The following CCSER1 variants were observed in gnomAD, a reference collection of about 807,000 sequenced individuals.
CCSER1 encodes serine-rich coiled-coil domain-containing protein 1.
In CCSER1, 41 loss-of-function variants were observed where a neutral mutation model predicts 82.0. The ratio of observed to expected loss-of-function variants is 0.50; its 90% CI spans 0.39 to 0.65. CCSER1 has a LOEUF of 0.65. Among genes scored for constraint, CCSER1 ranks in the 30% least tolerant of loss-of-function variants. The pLI, the probability that CCSER1 is intolerant of heterozygous loss-of-function variation, is 0.00. For missense variants in CCSER1, 1,119 were observed against 1,064.2 expected (o/e 1.05, Z -0.72); for synonymous variants, 414 against 383.9 (o/e 1.08, Z -0.92).
chr4:90,195,338 A>G (rs1054321669), intron 1 of CCSER1, among the ~76,000 whole-genome samples: 5 of 152,070 alleles, frequency 3.3e-5, no homozygotes, highest in Non-Finnish European at 5.9e-5. Context: ...TTACTAAGTG[A>G]AAAAAGCTAA....
intron 1 of CCSER1, among the ~76,000 whole-genome samples, chr4:90,161,509 T>G (rs150457671): frequency 0.029 from 4,421 of 152,230 alleles, 107 homozygotes; most frequent in South Asian, 0.06. Flanking sequence ...TTAAAACTAT[T>G]AACCATTAAC....
At chr4:91,417,960 AC>A (rs1286513607) in intron 10 of CCSER1, among the ~76,000 whole-genome samples, 1 of 152,174 alleles carries the variant, frequency 6.6e-6, no homozygotes, top group Non-Finnish European at 1.5e-5. Context: ...ATCTTTTCTG[AC>A]CACACTGTTA....
intron 10 of CCSER1, among the ~76,000 whole-genome samples, chr4:91,151,711 C>T (rs1730222487): frequency 6.6e-6 from 1 of 152,150 alleles, no homozygotes; most frequent in African/African-American, 2.4e-5. Context: ...GTCTTTGTTT[C>T]TGCCTTAATT....
At chr4:90,287,722 G>GA (rs1304593529) in intron 1 of CCSER1, among the ~76,000 whole-genome samples, 2 of 151,768 alleles carry the variant, frequency 1.3e-5, no homozygotes, top group Admixed American at 1.3e-4. Context: ...TTTGATATTA[G>GA]AAATGAATTT....
chr4:90,734,291 A>C (rs1263023379), intron 7 of CCSER1, among the ~76,000 whole-genome samples: 3 of 151,658 alleles, frequency 2.0e-5, no homozygotes, highest in African/African-American at 4.8e-5. Flanking sequence ...ACGCCCGGCT[A>C]ATTTTTTGTA....
chr4:91,514,401 AT>A (rs1432508475), intron 10 of CCSER1, among the ~76,000 whole-genome samples: 1 of 152,116 alleles, frequency 6.6e-6, no homozygotes, highest in Non-Finnish European at 1.5e-5. Flanking sequence ...AGTATGTTCT[AT>A]GTGCAGATGA....
intron 10 of CCSER1, among the ~76,000 whole-genome samples, chr4:91,257,272 G>T (rs894143062): frequency 1.3e-5 from 2 of 152,008 alleles, no homozygotes; most frequent in Non-Finnish European, 2.9e-5. Context: ...TCCCAAAGTA[G>T]TCCACTAACA....
At chr4:91,357,380 A>G (rs917743787) in intron 10 of CCSER1, among the ~76,000 whole-genome samples, 4 of 152,172 alleles carry the variant, frequency 2.6e-5, no homozygotes, top group African/African-American at 9.7e-5. Context: ...ATTTTTGTTA[A>G]AGAGCAGGTT....
intron 10 of CCSER1, among the ~76,000 whole-genome samples, chr4:91,282,156 C>G (rs1276001234): frequency 2.0e-5 from 3 of 152,040 alleles, no homozygotes; most frequent in Admixed American, 6.6e-5. Flanking sequence ...TCAAATAAAC[C>G]TATGTGTGCA....
At chr4:90,932,952 A>AAGAGAGAAAGAG (rs1491411647) in intron 9 of CCSER1, among the ~76,000 whole-genome samples, 1 of 42,942 alleles carries the variant, frequency 2.3e-5, no homozygotes, top group East Asian at 4.7e-4. Context: ...GAAAGAAAGA[A>AAGAGAGAAAGAG]AGAAAGAAAG....
In CCSER1 at chr4:91,511,127, C is replaced by T. The variant is rs72882788; in HGVS notation, c.2218-87445C>T. ...TAATTTTTTTTTTATTTTGTTGAAG[C>T]GCAGTTGGTATGTGTGGCTTTATTT... On this transcript the variant is annotated intron_variant, in intron 10 of 10. Transcript: ENST00000509176. Among the ~76,000 whole-genome samples, 372 of 151,798 alleles carry T rather than the reference C, an allele frequency of 2.5e-3. 1 individual carries two copies. The highest frequency in any genetic ancestry group is 7.0e-3 in the African/African-American group (290 of 41,418).
chr4:91,059,445 T>C (rs1743768418), intron 9 of CCSER1, among the ~76,000 whole-genome samples: 1 of 110,152 alleles, frequency 9.1e-6, no homozygotes, highest in South Asian at 2.8e-4. Flanking sequence ...ATTTGTATGC[T>C]TTATTAAGGT....
intron 5 of CCSER1, among the ~76,000 whole-genome samples, chr4:90,532,847 C>T (rs759530735): frequency 1.2e-4 from 19 of 152,150 alleles, no homozygotes; most frequent in African/African-American, 4.1e-4. Context: ...GCTTCCTCCT[C>T]TACTTCTCCC....
chr4:90,157,098 G>C (rs937610266), intron 1 of CCSER1, among the ~76,000 whole-genome samples: 8 of 152,284 alleles, frequency 5.3e-5, no homozygotes, highest in African/African-American at 1.9e-4. Flanking sequence ...GCATTTGCTT[G>C]TCTGTAAAGT....
In CCSER1 at chr4:90,685,639, C is replaced by A. The variant is rs141508621; in HGVS notation, c.1933-38275C>A. 4.7e-3 allele frequency among the ~76,000 whole-genome samples: 722 copies of A among 152,214 alleles called. 7 individuals are homozygous for A. Among genetic ancestry groups the A allele is most frequent in the African/African-American group, 0.016 (683 of 41,544 alleles). On this transcript the variant is annotated intron_variant, in intron 6 of 10. Coordinates refer to ENST00000509176, the MANE Select transcript of CCSER1 (RefSeq NM_001145065.2). ...GTCTCTGTGTTCGGTGAAGTCCTTT[C>A]CATCAATTTAGACAGTAACTGTTTA...
At chr4:91,300,607 C>G (rs1744592825) in intron 10 of CCSER1, among the ~76,000 whole-genome samples, 1 of 151,502 alleles carries the variant, frequency 6.6e-6, no homozygotes, top group African/African-American at 2.4e-5. Flanking sequence ...TGGAGGGATA[C>G]TATTTAAAAA....
At chr4:90,819,650 T>G (rs935265255) in intron 8 of CCSER1, among the ~76,000 whole-genome samples, 3 of 152,218 alleles carry the variant, frequency 2.0e-5, no homozygotes, top group African/African-American at 7.2e-5. Flanking sequence ...ATTAATTGCA[T>G]TTCTAATGTG....
At position 90,232,599 on chromosome 4, in the gene CCSER1, C is replaced by A. The variant is rs1470571364; in HGVS notation, c.-41-75645C>A. Among the ~76,000 whole-genome samples, 145 of 140,520 alleles carry A rather than the reference C, an allele frequency of 1.0e-3. 1 individual carries two copies. In the East Asian group the frequency reaches 0.028, roughly 27 times the overall value. 92.2% of individuals were successfully genotyped at this position (140,520 alleles called of 152,430 possible). A position where few individuals can be genotyped will look rare whatever the true frequency, so the allele number is the denominator to read the frequency against. ...ATGTCTAAAACACCAAAAGCAATGG[C>A]AAGAAAAGCCAAAATTGACAAATGG... On this transcript the variant is annotated intron_variant, in intron 1 of 10. Coordinates refer to ENST00000509176, the MANE Select transcript of CCSER1 (RefSeq NM_001145065.2).
intron 1 of CCSER1, among the ~76,000 whole-genome samples, chr4:90,236,139 C>G (rs186886677): frequency 6.6e-6 from 1 of 152,058 alleles, no homozygotes; most frequent in South Asian, 2.1e-4. Flanking sequence ...ATGTTGCTCA[C>G]GCTGCTCTTG....
Sources: allele counts gnomAD v4.1 joint callset (sites outside exome capture counted in the v4.1 genomes callset), GRCh38; gene constraint gnomAD v4.1.1; transcripts MANE v1.5; gene names NCBI Gene and HGNC (gene_info 2026-07-23, HGNC 2026-07-21).